OCA2: variants seen among roughly 807,000 people sequenced by gnomAD.
OCA2 encodes the protein OCA2 melanosomal transmembrane protein.
OCA2 carries 77 observed loss-of-function variants against 100.2 expected under a neutral mutation model. The observed-to-expected ratio is 0.77, with a 90% CI of 0.64 to 0.93. The LOEUF (loss-of-function observed/expected upper bound fraction) is 0.93, where lower values mean the gene tolerates loss of function less well. Among genes scored for constraint, OCA2 ranks in the 40% least tolerant of loss-of-function variants. The pLI, the probability that OCA2 is intolerant of heterozygous loss-of-function variation, is 0.00. For missense variants in OCA2, 1,062 were observed against 1,089.1 expected, an observed-to-expected ratio of 0.98 and a Z score of 0.35; for synonymous variants, 432 against 439.2, an observed-to-expected ratio of 0.98 and a Z score of 0.21.
chr15:27,902,657 C>T (rs2037998167), intron 19 of OCA2, among the ~76,000 whole-genome samples: 1 of 152,198 alleles, frequency 6.6e-6, no homozygotes. Flanking sequence ...AGTCCCACCT[C>T]ACACAAAGAG....
At chr15:27,865,575 C>T (rs1436525925) in intron 21 of OCA2, among the ~76,000 whole-genome samples, 1 of 152,170 alleles carries the variant, frequency 6.6e-6, no homozygotes, top group East Asian at 1.9e-4. Context: ...GTCTTCTTGT[C>T]CATTCCCCAC....
intron 1 of OCA2, among the ~76,000 whole-genome samples, chr15:28,086,946 C>G (rs541217016): frequency 2.6e-5 from 4 of 152,210 alleles, no homozygotes; most frequent in African/African-American, 9.6e-5. Flanking sequence ...GGGACCATAA[C>G]AAAAGACCTA....
chr15:27,907,546 TA>T (rs758627818), intron 19 of OCA2, among the ~76,000 whole-genome samples: 2 of 152,082 alleles, frequency 1.3e-5, no homozygotes, highest in South Asian at 4.1e-4. Context: ...AAAAACAGTA[TA>T]TTAATTAACC....
At chr15:27,826,348 T>TTCCC (rs1404969837) in intron 23 of OCA2, among the ~76,000 whole-genome samples, 1 of 139,474 alleles carries the variant, frequency 7.2e-6, no homozygotes, top group Non-Finnish European at 1.5e-5. Context: ...GTCAAGGAAC[T>TTCCC]TCCCACACAC....
chr15:27,943,682 A>G (rs2039730789), intron 18 of OCA2, among the ~76,000 whole-genome samples: 1 of 151,646 alleles, frequency 6.6e-6, no homozygotes, highest in South Asian at 2.1e-4. Flanking sequence ...AAAAAAAAAA[A>G]AAAAAAAAAC....
chr15:27,930,074 G>A (rs116360016), intron 18 of OCA2, among the ~76,000 whole-genome samples: 2,372 of 152,216 alleles, frequency 0.016, 64 homozygotes, highest in African/African-American at 0.054. Flanking sequence ...GGAAAACAGC[G>A]TGGCAGTTTT....
At chr15:27,824,766 C>G (rs1270381200) in intron 23 of OCA2, among the ~76,000 whole-genome samples, 3 of 151,690 alleles carry the variant, frequency 2.0e-5, no homozygotes, top group East Asian at 1.9e-4. Flanking sequence ...TTTTTTGAAG[C>G]CTGCCTCGCA....
intron 21 of OCA2, among the ~76,000 whole-genome samples, chr15:27,865,681 C>T (rs368576363): frequency 9.8e-5 from 15 of 152,324 alleles, no homozygotes; most frequent in South Asian, 2.1e-4. Context: ...AGAAGCCTGG[C>T]CAACTACAGA....
intron 5 of OCA2, among the ~76,000 whole-genome samples, chr15:28,023,620 G>A (rs535858666): frequency 3.9e-5 from 6 of 151,918 alleles, no homozygotes; most frequent in Non-Finnish European, 7.4e-5. Context: ...ACCCACCCTT[G>A]CCCACAACCA....
At chr15:27,939,909 G>A (rs1330262891) in intron 18 of OCA2, among the ~76,000 whole-genome samples, 1 of 152,186 alleles carries the variant, frequency 6.6e-6, no homozygotes, top group Non-Finnish European at 1.5e-5. Context: ...CCTCATTGCA[G>A]GTTTTCCTGT....
intron 2 of OCA2, among the ~76,000 whole-genome samples, chr15:28,054,185 GGTATGTGTGCACACAT>G (rs985897035): frequency 2.6e-5 from 4 of 151,814 alleles, no homozygotes; most frequent in African/African-American, 7.3e-5. Context: ...TGTGTGTATG[GGTATGTGTGCACACAT>G]GTATGTGTGT....
At chr15:27,736,175 AATT>A in the OCA2 span, among the ~76,000 whole-genome samples, 2 of 152,220 alleles carry the variant, frequency 1.3e-5, no homozygotes, top group Non-Finnish European at 2.9e-5. Flanking sequence ...AAAATATTAA[AATT>A]ATTATTTTGA....
At chr15:27,950,022 C>T (rs910965643) in intron 18 of OCA2, among the ~76,000 whole-genome samples, 1 of 152,186 alleles carries the variant, frequency 6.6e-6, no homozygotes, top group Middle Eastern at 3.4e-3. Context: ...GGAGATGAGA[C>T]ATTTTGTAAA....
At chr15:27,965,714 C>A (rs868115796) in intron 15 of OCA2, among the ~76,000 whole-genome samples, 22 of 152,190 alleles carry the variant, frequency 1.4e-4, no homozygotes, top group African/African-American at 5.3e-4. Flanking sequence ...AAGAAGAGCG[C>A]CTTCATCTGC....
intron 19 of OCA2, among the ~76,000 whole-genome samples, chr15:27,913,787 C>T (rs538529748): frequency 4.4e-5 from 6 of 135,164 alleles, no homozygotes; most frequent in African/African-American, 1.7e-4. Flanking sequence ...TGATACCAAA[C>T]CTAGCAGAGA....
chr15:28,048,149 G>A (rs1049956075), intron 2 of OCA2, among the ~76,000 whole-genome samples: 1 of 152,136 alleles, frequency 6.6e-6, no homozygotes. Context: ...TGCACCCTAT[G>A]TTCATGGATA....
rs1800408 is a variant in OCA2 at position 27,985,108 on chromosome 15, C to G, written c.1320G>C (p.Leu440Phe). The stretch of plus-strand genomic sequence containing the variant: ...AGAGGAGCATGGTGGTGACGTTGTC[C>G]AAGAAGGCAGAGAGGACGGCCGCGA... Reference protein sequence around the residue: ...CLIAAVLSAFLDNVTTMLLFT... With the variant: ...CLIAAVLSAFFDNVTTMLLFT... The change falls in exon 13 of 24, where the codon TTG (leucine) becomes TTC (phenylalanine). Residue 440 changes from leucine (L) to phenylalanine (F), a missense_variant. Coordinates refer to ENST00000354638, the MANE Select transcript of OCA2 (RefSeq NM_000275.3). The G allele has an allele frequency of 2.4e-4, 384 of 1,613,840 alleles. No individual in the cohort carries two copies. Among genetic ancestry groups the G allele is most frequent in the Admixed American group, 1.5e-4 (9 of 59,996 alleles).
chr15:27,899,057 G>C (rs939652238), intron 19 of OCA2, among the ~76,000 whole-genome samples: 1 of 152,120 alleles, frequency 6.6e-6, no homozygotes, highest in African/African-American at 2.4e-5. Flanking sequence ...CTGAATCCAT[G>C]AATACGTGAA....
At chr15:28,031,792 C>T (rs1196461731) in intron 3 of OCA2, among the ~76,000 whole-genome samples, 1 of 152,142 alleles carries the variant, frequency 6.6e-6, no homozygotes, top group African/African-American at 2.4e-5. Context: ...TGAGAAACCC[C>T]AGCCTGGTAA....
Sources: allele counts gnomAD v4.1 joint callset (sites outside exome capture counted in the v4.1 genomes callset), GRCh38; gene constraint gnomAD v4.1.1; transcripts MANE v1.5; gene names NCBI Gene and HGNC (gene_info 2026-07-23, HGNC 2026-07-21).